PFKFB3: variants seen among roughly 807,000 people sequenced by gnomAD.
PFKFB3 encodes the protein 6-phosphofructo-2-kinase/fructose-2,6-biphosphatase 3, also known as 6-phosphofructo-2-kinase/fructose-2,6-bisphosphatase 3.
Under a neutral mutation model 68.0 loss-of-function variants are expected in PFKFB3, and 33 were observed. The ratio of observed to expected loss-of-function variants is 0.49; its 90% CI spans 0.37 to 0.65. PFKFB3 has a LOEUF of 0.65. Ranked by LOEUF, PFKFB3 falls within the 30% of genes least tolerant of loss-of-function variation. PFKFB3 has a pLI of 0.00. For missense variants in PFKFB3, 586 were observed against 712.2 expected (o/e 0.82, Z 2.02); for synonymous variants, 315 against 288.2 (o/e 1.09, Z -0.94).
At chr10:6,193,063 T>C (rs1843076794) in intron 1 of PFKFB3, among the ~76,000 whole-genome samples, 1 of 152,276 alleles carries the variant, frequency 6.6e-6, no homozygotes, top group Middle Eastern at 3.4e-3. Flanking sequence ...TAGGATTATA[T>C]ATTGAGGTTG....
At chr10:6,254,236 G>T in exon 15 of PFKFB3, 1 of 398,460 alleles carries the variant, frequency 2.5e-6, no homozygotes, top group East Asian at 3.6e-5. Context: ...CCCCCTGAAG[G>T]GCAGAGCATT....
At chr10:6,309,165 C>G in the PFKFB3 span, among the ~76,000 whole-genome samples, 1 of 152,198 alleles carries the variant, frequency 6.6e-6, no homozygotes, top group East Asian at 1.9e-4. Flanking sequence ...AAACCTAAAT[C>G]TACACATTTG....
At chr10:6,320,277 G>A in the PFKFB3 span, among the ~76,000 whole-genome samples, 10 of 152,170 alleles carry the variant, frequency 6.6e-5, no homozygotes, top group African/African-American at 2.4e-4. Flanking sequence ...TGAGGAATAT[G>A]AAGCTGTAGT....
At chr10:6,217,067 T>A (rs1488270313) in intron 5 of PFKFB3, 68 bp from the exon 6 acceptor site, 16 of 1,476,952 alleles carry the variant, frequency 1.1e-5, no homozygotes, top group Non-Finnish European at 1.3e-5. Context: ...GGTGATGACA[T>A]CGCAGTGATG....
chr10:6,242,496 C>T (rs1180944808), intron 14 of PFKFB3, among the ~76,000 whole-genome samples: 1 of 152,232 alleles, frequency 6.6e-6, no homozygotes, highest in Non-Finnish European at 1.5e-5. Context: ...TTTCCTCATG[C>T]GCCTTAACTA....
Position 6,220,873 on chromosome 10 carries a change from G to T in PFKFB3, c.831+8G>T. ...TCCAGCCGGGGCAAGAAGGTGCGGG[G>T]TGTGCTGCCGCATGGGCCGTTCTGG... On this transcript the variant is annotated splice_region_variant and intron_variant, in intron 8 of 14. Transcript: ENST00000379775. This position sits in a 1 kb window ranked among gnomAD's most constrained non-coding sequence, Gnocchi z 4.1. 5.6e-6 allele frequency: 9 copies of T among 1,608,908 alleles called. No homozygotes were observed. The highest frequency in any genetic ancestry group is 2.2e-5 in the East Asian group (1 of 44,874).
At position 6,177,438 on chromosome 10, in the gene PFKFB3, C is replaced by CTCTCTCTTTCTTTCTT. The variant is rs755279276; in HGVS notation, c.16+32428_16+32429insCTCTTTCTTTCTTTCT. Among the ~76,000 whole-genome samples, 6 of 86,718 alleles carry CTCTCTCTTTCTTTCTT rather than the reference C, an allele frequency of 6.9e-5. No homozygotes were observed. The South Asian group carries it at 1.3e-3, about 19-fold the overall frequency. 56.9% of individuals were successfully genotyped at this position (86,718 alleles called of 152,430 possible). A position where few individuals can be genotyped will look rare whatever the true frequency, so the allele number is the denominator to read the frequency against. On this transcript the variant is annotated intron_variant, in intron 1 of 14. Coordinates refer to the PFKFB3 transcript ENST00000379789. ...TTCTCTTTCTTCCTTTCTTTTCTTT[C>CTCTCTCTTTCTTTCTT]TCTTTCTTTCTTTCTTTCTTTCTTT...
chr10:6,204,350 C>G (rs1843549798), intron 1 of PFKFB3, among the ~76,000 whole-genome samples: 1 of 152,266 alleles, frequency 6.6e-6, no homozygotes, highest in South Asian at 2.1e-4. Flanking sequence ...GGTGCAAACT[C>G]TCGAGGTGGC....
intron 1 of PFKFB3, among the ~76,000 whole-genome samples, chr10:6,206,834 C>T (rs1382460512): frequency 4.3e-3 from 138 of 31,844 alleles, no homozygotes; most frequent in Middle Eastern, 0.017. Context: ...CCTCACTTCC[C>T]AGACGGGGTG....
At position 6,215,469 on chromosome 10, in the gene PFKFB3, G is replaced by T; in HGVS notation, c.299+152G>T. On this transcript the variant is annotated intron_variant, in intron 3 of 14. Transcript: ENST00000379775. The surrounding 1 kb of genome is among the most constrained non-coding windows in gnomAD (Gnocchi z 4.3). ...TGCGGGGCTGCGGGTGTAAGGCTGG[G>T]CTGCGGGCTTGGGCTTGCTTTGTTC... 1.5e-6 allele frequency: 1 copy of T among 671,588 alleles called. No homozygotes were observed. Among genetic ancestry groups the T allele is most frequent in the South Asian group, 1.7e-5 (1 of 57,740 alleles). The allele number at this position is 671,588 out of a possible 1,614,324, so 41.6% of individuals were successfully genotyped here.
chr10:6,156,382 G>A (rs143029134), intron 1 of PFKFB3, among the ~76,000 whole-genome samples: 5 of 151,796 alleles, frequency 3.3e-5, no homozygotes, highest in South Asian at 2.1e-4. Flanking sequence ...TGTCCAACTC[G>A]TGGGCTCAAA....
upstream of PFKFB3, chr10:6,202,433 T>G (rs1458515634): frequency 6.6e-6 from 1 of 152,312 alleles, no homozygotes; most frequent in Non-Finnish European, 1.5e-5. Context: ...CTGGCCCATG[T>G]CCTTACCTGG....
At chr10:6,218,408 TATTA>T (rs1288296466) in intron 6 of PFKFB3, among the ~76,000 whole-genome samples, 4 of 108,228 alleles carry the variant, frequency 3.7e-5, no homozygotes, top group African/African-American at 1.5e-4. Context: ...TAATCATTTT[TATTA>T]TTTATTTATT....
chr10:6,231,830 C>T (rs915122258), intron 14 of PFKFB3, among the ~76,000 whole-genome samples: 11 of 151,482 alleles, frequency 7.3e-5, no homozygotes, highest in Non-Finnish European at 1.3e-4. Context: ...GGTGGGCACT[C>T]ATCACCTCCC....
upstream of PFKFB3, chr10:6,202,849 G>A: frequency 2.0e-6 from 2 of 1,018,522 alleles, no homozygotes; most frequent in Non-Finnish European, 2.4e-6. Flanking sequence ...TGGGACCCAA[G>A]GAATGCGGCC....
At position 6,216,531 on chromosome 10, in the gene PFKFB3, G is replaced by A. The variant is rs542153346; in HGVS notation, c.367-175G>A. ...CCCCTGAGTGCTGTTGGTAGTTGCG[G>A]GAGGCCTGCCTCCTAAGCACTCCCT... is the stretch of plus-strand genomic sequence containing the variant. On this transcript the variant is annotated intron_variant, in intron 4 of 14. Transcript: ENST00000379775. Among the ~76,000 whole-genome samples the A allele has an allele frequency of 2.0e-5, 3 of 152,342 alleles. No homozygotes were observed. The South Asian group carries it at 6.2e-4, about 32-fold the overall frequency.
intron 1 of PFKFB3, among the ~76,000 whole-genome samples, chr10:6,209,910 G>T (rs1014586222): frequency 6.6e-6 from 1 of 151,966 alleles, no homozygotes; most frequent in Non-Finnish European, 1.5e-5. Context: ...GACTACAGGC[G>T]CCTGCCATCA....
intron 1 of PFKFB3, among the ~76,000 whole-genome samples, chr10:6,185,442 ACACCATAGAAACAGGC>A (rs1303273967): frequency 6.6e-6 from 1 of 152,180 alleles, no homozygotes; most frequent in African/African-American, 2.4e-5. Context: ...TGGAGAGAAC[ACACCATAGAAACAGGC>A]CACTGCGGGG....
At chr10:6,224,073 T>G in intron 12 of PFKFB3, 53 bp downstream of exon 12, 1 of 1,607,536 alleles carries the variant, frequency 6.2e-7, no homozygotes, top group Non-Finnish European at 8.5e-7. Context: ...CCACAGTAGC[T>G]TCTTGTGGCC....
Sources: gnomAD v4.1 joint callset for allele counts (sites outside exome capture counted in the v4.1 genomes callset) on GRCh38, gnomAD v4.1.1 for gene constraint, Gnocchi (gnomAD v3.1) non-coding constraint, MANE v1.5 for transcripts, NCBI Gene and HGNC (gene_info 2026-07-23, HGNC 2026-07-21) for gene names.